RPH3A: variants seen among roughly 807,000 people sequenced by gnomAD.
RPH3A encodes rabphilin 3A, also known as rabphilin-3A.
A neutral mutation model predicts 102.2 loss-of-function variants in RPH3A; 48 were observed. That is an observed-to-expected ratio of 0.47 (90% CI 0.37 to 0.60). The LOEUF is 0.60. RPH3A is among the 20% of genes least tolerant of loss of function. The probability of loss-of-function intolerance (pLI) is 0.00; values close to 1 mark genes in which losing one functional copy is unlikely to be tolerated. For missense variants in RPH3A, 781 were observed against 910.1 expected (o/e 0.86, Z 1.83); for synonymous variants, 310 against 324.3 (o/e 0.96, Z 0.47).
chr12:112,794,641 CA>C (rs1282584940), intron 2 of RPH3A, among the ~76,000 whole-genome samples: 2 of 152,178 alleles, frequency 1.3e-5, no homozygotes, highest in East Asian at 1.9e-4. Context: ...CACACAACAT[CA>C]GGGGGTTAGT....
intron 1 of RPH3A, among the ~76,000 whole-genome samples, chr12:112,704,321 C>G (rs141428889): frequency 6.6e-6 from 1 of 152,082 alleles, no homozygotes; most frequent in Admixed American, 6.6e-5. Context: ...AACTCCTGAC[C>G]TCAGGTGATC....
At chr12:112,612,372 C>T (rs1007697835) in intron 1 of RPH3A, among the ~76,000 whole-genome samples, 4 of 152,010 alleles carry the variant, frequency 2.6e-5, no homozygotes, top group South Asian at 2.1e-4. Flanking sequence ...TTAACGGGCC[C>T]GAGAAACAGG....
intron 3 of RPH3A, among the ~76,000 whole-genome samples, chr12:112,832,849 GAATA>G (rs1042519315): frequency 6.6e-5 from 10 of 151,602 alleles, no homozygotes; most frequent in African/African-American, 2.2e-4. Context: ...TCTCTGAAAT[GAATA>G]AATAAAGTTA....
chr12:112,819,767 C>T (rs2041744953), intron 2 of RPH3A, among the ~76,000 whole-genome samples: 1 of 152,244 alleles, frequency 6.6e-6, no homozygotes, highest in South Asian at 2.1e-4. Flanking sequence ...ACAGCCTTAG[C>T]AGCTTGGACA....
chr12:112,755,963 A>G (rs1046469506), intron 1 of RPH3A, among the ~76,000 whole-genome samples: 6 of 152,210 alleles, frequency 3.9e-5, no homozygotes, highest in African/African-American at 1.4e-4. Flanking sequence ...AAAGTGGTAC[A>G]TGGGGTAGAG....
intron 1 of RPH3A, among the ~76,000 whole-genome samples, chr12:112,704,593 C>T (rs577050519): frequency 1.1e-4 from 16 of 152,278 alleles, no homozygotes; most frequent in East Asian, 7.7e-4. Context: ...GAAAGCAATG[C>T]GGCTACCATC....
intron 10 of RPH3A, 57 bp downstream of exon 10, chr12:112,870,096 A>G (rs2078227516): frequency 6.6e-7 from 1 of 1,523,302 alleles, no homozygotes; most frequent in African/African-American, 1.4e-5. Flanking sequence ...CTCAAAAAGA[A>G]TGAGGGGAAC....
chr12:112,701,493 T>A (rs995936697), intron 1 of RPH3A, among the ~76,000 whole-genome samples: 1 of 152,218 alleles, frequency 6.6e-6, no homozygotes, highest in Non-Finnish European at 1.5e-5. Context: ...TAGTTTCACC[T>A]AAGGTCAGGT....
chr12:112,866,423 AG>A (rs2042612513), intron 6 of RPH3A, among the ~76,000 whole-genome samples: 1 of 152,178 alleles, frequency 6.6e-6, no homozygotes, highest in Non-Finnish European at 1.5e-5. Flanking sequence ...GGAAATAAAG[AG>A]GAAATAAATT....
intron 1 of RPH3A, among the ~76,000 whole-genome samples, chr12:112,648,442 T>G (rs1319507694): frequency 6.6e-6 from 1 of 151,098 alleles, no homozygotes; most frequent in Non-Finnish European, 1.5e-5. Context: ...GAGATAAAAT[T>G]ACTGGTTAGG....
intron 1 of RPH3A, among the ~76,000 whole-genome samples, chr12:112,694,192 C>A (rs552022330): frequency 6.6e-6 from 1 of 152,272 alleles, no homozygotes; most frequent in East Asian, 1.9e-4. Context: ...GCAACACCGC[C>A]CCAACTCTTA....
At chr12:112,735,804 A>G (rs995742004) in intron 1 of RPH3A, among the ~76,000 whole-genome samples, 2 of 152,148 alleles carry the variant, frequency 1.3e-5, no homozygotes, top group Admixed American at 1.3e-4. Context: ...ACTCTGCTCA[A>G]ATACCTTAAG....
chr12:112,811,926 A>G (rs1269148112), intron 2 of RPH3A, among the ~76,000 whole-genome samples: 1 of 152,174 alleles, frequency 6.6e-6, no homozygotes, highest in Non-Finnish European at 1.5e-5. Flanking sequence ...ACAATAGGCT[A>G]GAACTGAGTT....
chr12:112,673,796 G>A (rs1415679925), intron 1 of RPH3A, among the ~76,000 whole-genome samples: 1 of 149,510 alleles, frequency 6.7e-6, no homozygotes, highest in East Asian at 1.9e-4. Context: ...ATTTTTTTTT[G>A]TACCCATTAA....
At chr12:112,701,723 G>A (rs1035103935) in intron 1 of RPH3A, among the ~76,000 whole-genome samples, 1 of 152,272 alleles carries the variant, frequency 6.6e-6, no homozygotes. Flanking sequence ...GTGGTTCAAG[G>A]CCTTGAGACA....
intron 1 of RPH3A, among the ~76,000 whole-genome samples, chr12:112,771,633 G>T: frequency 6.6e-6 from 1 of 152,162 alleles, no homozygotes; most frequent in Middle Eastern, 3.2e-3. Flanking sequence ...TATAAGTACT[G>T]CCAAATAGCC....
At chr12:112,800,610 A>G (rs1384866746) in intron 2 of RPH3A, among the ~76,000 whole-genome samples, 1 of 152,114 alleles carries the variant, frequency 6.6e-6, no homozygotes. Context: ...CCAGGGGACC[A>G]GTGAGGGGAG....
intron 1 of RPH3A, among the ~76,000 whole-genome samples, chr12:112,759,566 G>A (rs1057201871): frequency 1.3e-5 from 2 of 152,194 alleles, no homozygotes; most frequent in African/African-American, 4.8e-5. Flanking sequence ...AGGTGGTAAA[G>A]CTGGGATTTG....
intron 20 of RPH3A, 137 bp from the exon 21 acceptor site, chr12:112,895,640 G>A (rs943829857): frequency 7.2e-5 from 44 of 608,262 alleles, no homozygotes; most frequent in African/African-American, 4.9e-4. Flanking sequence ...GGATCGGCAC[G>A]GGAAGACCTC....
Sources: allele counts gnomAD v4.1 joint callset (sites outside exome capture counted in the v4.1 genomes callset), GRCh38; gene constraint gnomAD v4.1.1; transcripts MANE v1.5; gene names NCBI Gene and HGNC (gene_info 2026-07-23, HGNC 2026-07-21).